The following FAM227B variants were observed in gnomAD, a reference collection of about 807,000 sequenced individuals.
FAM227B encodes protein FAM227B.
FAM227B carries 88 observed loss-of-function variants against 73.8 expected under a neutral mutation model. The observed-to-expected ratio is 1.19, with a 90% CI of 1.00 to 1.42. The LOEUF (loss-of-function observed/expected upper bound fraction) is 1.42. Ranked by LOEUF, FAM227B falls within the 40% of genes most tolerant of loss-of-function variation. The probability of loss-of-function intolerance (pLI) is 0.00; values close to 1 mark genes in which losing one functional copy is unlikely to be tolerated. For synonymous variants in FAM227B, 210 were observed against 190.5 expected, an observed-to-expected ratio of 1.10 and a Z score of -0.84; for missense variants, 632 against 590.9, an observed-to-expected ratio of 1.07 and a Z score of -0.72.
At chr15:49,587,231 C>G (rs1178588883) in intron 5 of FAM227B, among the ~76,000 whole-genome samples, 2 of 152,086 alleles carry the variant, frequency 1.3e-5, no homozygotes, top group African/African-American at 4.8e-5. Context: ...AATGCAGGAA[C>G]AGAAAAACAA....
rs183831832 is a variant in FAM227B at position 49,540,960 on chromosome 15, A to C, written c.874+720T>G. ...TCAAAGGCTCCCTCCATAAAGTATA[A>C]AACATTTTCTTATAAAAGTGATTTG... is the stretch of plus-strand genomic sequence containing the variant. On this transcript the variant is annotated intron_variant, in intron 10 of 15. Coordinates refer to ENST00000299338, the MANE Select transcript of FAM227B (RefSeq NM_152647.3). 1.3e-3 allele frequency among the ~76,000 whole-genome samples: 204 copies of C among 152,286 alleles called. 1 individual carries two copies. Among genetic ancestry groups the C allele is most frequent in the African/African-American group, 4.7e-3 (194 of 41,566 alleles).
intron 11 of FAM227B, among the ~76,000 whole-genome samples, chr15:49,462,330 A>G (rs932993376): frequency 6.6e-6 from 1 of 152,226 alleles, no homozygotes; most frequent in Non-Finnish European, 1.5e-5. Flanking sequence ...CAAGATAAAT[A>G]GTAAGCTCCT....
At chr15:49,439,010 T>C (rs918674751) in intron 11 of FAM227B, among the ~76,000 whole-genome samples, 12 of 151,746 alleles carry the variant, frequency 7.9e-5, no homozygotes, top group African/African-American at 1.7e-4. Context: ...GTCAGGAATT[T>C]GGGAGTAGCT....
At chr15:49,448,964 T>C (rs1163500360) in intron 11 of FAM227B, among the ~76,000 whole-genome samples, 1 of 151,958 alleles carries the variant, frequency 6.6e-6, no homozygotes, top group East Asian at 1.9e-4. Flanking sequence ...GCTCTTTTTT[T>C]TGCATATGAA....
At chr15:49,551,680 C>T (rs995174291) in intron 9 of FAM227B, among the ~76,000 whole-genome samples, 1 of 152,110 alleles carries the variant, frequency 6.6e-6, no homozygotes, top group Non-Finnish European at 1.5e-5. Flanking sequence ...TTTCTTTGCT[C>T]CTGTCTTACT....
intron 5 of FAM227B, among the ~76,000 whole-genome samples, chr15:49,587,666 C>T (rs59606072): frequency 0.015 from 2,200 of 151,660 alleles, 68 homozygotes; most frequent in African/African-American, 0.051. Context: ...TTAAAATTGG[C>T]AAAGTAAAGG....
At chr15:49,375,770 T>G (rs574683883) in intron 11 of FAM227B, among the ~76,000 whole-genome samples, 5 of 152,178 alleles carry the variant, frequency 3.3e-5, no homozygotes, top group African/African-American at 1.2e-4. Flanking sequence ...TCCCATGATA[T>G]GTAAATTTAT....
intron 10 of FAM227B, among the ~76,000 whole-genome samples, chr15:49,538,518 G>C (rs1040267447): frequency 1.3e-5 from 2 of 152,128 alleles, no homozygotes; most frequent in African/African-American, 2.4e-5. Context: ...TTGGGTACCA[G>C]GGGGTGCAAA....
In FAM227B at chr15:49,549,625, TC is replaced by T. The variant is rs1452076466; in HGVS notation, c.748-7820del. Among the ~76,000 whole-genome samples, 5 of 151,598 alleles carry T rather than the reference TC, an allele frequency of 3.3e-5. No individual in the cohort carries two copies. In the East Asian group the frequency reaches 9.8e-4, roughly 30 times the overall value. On this transcript the variant is annotated intron_variant, in intron 9 of 15. Coordinates refer to ENST00000299338, the MANE Select transcript of FAM227B (RefSeq NM_152647.3). ...ACCCTGAGTGGACACAGCACATGATTCCGAGAGCACAGGGTTGGGGGTAAGG... is the reference window on the plus strand; with the variant it reads ...ACCCTGAGTGGACACAGCACATGATTCGAGAGCACAGGGTTGGGGGTAAGG...
intron 10 of FAM227B, among the ~76,000 whole-genome samples, chr15:49,510,340 T>C (rs1026135334): frequency 6.6e-6 from 1 of 152,132 alleles, no homozygotes; most frequent in African/African-American, 2.4e-5. Context: ...ATGTGGACAA[T>C]TGAGACTTTA....
chr15:49,461,726 C>T (rs2053817304), intron 11 of FAM227B, among the ~76,000 whole-genome samples: 2 of 152,180 alleles, frequency 1.3e-5, no homozygotes, highest in South Asian at 2.1e-4. Flanking sequence ...AATTTTTATA[C>T]TCCATTAAAA....
intron 4 of FAM227B, 50 bp from the exon 5 acceptor site, chr15:49,588,133 C>A: frequency 8.9e-7 from 1 of 1,120,584 alleles, no homozygotes; most frequent in East Asian, 3.1e-5. Context: ...TATGAACCTC[C>A]TCTAAAAATA....
chr15:49,520,701 A>G (rs919429691), intron 10 of FAM227B, among the ~76,000 whole-genome samples: 2 of 152,108 alleles, frequency 1.3e-5, no homozygotes, highest in African/African-American at 2.4e-5. Flanking sequence ...ATTTACTATC[A>G]TGAGAACAGC....
chr15:49,591,797 GAAT>G (rs1229060214), intron 3 of FAM227B, among the ~76,000 whole-genome samples: 2 of 152,026 alleles, frequency 1.3e-5, no homozygotes, highest in Non-Finnish European at 2.9e-5. Flanking sequence ...TCTTAAGGCT[GAAT>G]AATATTCTAT....
intron 10 of FAM227B, among the ~76,000 whole-genome samples, chr15:49,520,192 T>C (rs2059682173): frequency 6.6e-6 from 1 of 152,202 alleles, no homozygotes; most frequent in Non-Finnish European, 1.5e-5. Context: ...TGACACCACT[T>C]CATCCTGGAC....
In FAM227B at chr15:49,589,912, A is replaced by G. The variant is rs768287550; in HGVS notation, c.201T>C (p.Tyr67=). Residue 67 remains tyrosine (Y), a synonymous_variant, in exon 4 of 16, where the codon TAT becomes TAC. Coordinates refer to ENST00000299338, the MANE Select transcript of FAM227B (RefSeq NM_152647.3). ...GAGGAACATTTTCCCATAGGTGTGT[A>G]TAAATTGAAACAAATGAACTATCTT... ...IKEDSSFVSI[Y]THLWENVPRI... is the part of the protein sequence containing the mutation. 2 of 1,593,498 alleles carry G rather than the reference A, an allele frequency of 1.3e-6. No homozygotes were observed. Among genetic ancestry groups the G allele is most frequent in the Non-Finnish European group, 1.7e-6 (2 of 1,161,254 alleles).
intron 3 of FAM227B, among the ~76,000 whole-genome samples, chr15:49,593,919 G>A (rs1429541060): frequency 6.6e-6 from 1 of 152,134 alleles, no homozygotes; most frequent in Non-Finnish European, 1.5e-5. Context: ...TTTATATAAT[G>A]ACTTCTTTTC....
chr15:49,392,482 T>C (rs1430590237), intron 11 of FAM227B, among the ~76,000 whole-genome samples: 1 of 152,072 alleles, frequency 6.6e-6, no homozygotes, highest in Non-Finnish European at 1.5e-5. Context: ...TTTGCATGGG[T>C]TCAAACATGG....
At chr15:49,591,020 CTTTT>C (rs913958003) in intron 3 of FAM227B, among the ~76,000 whole-genome samples, 9 of 106,900 alleles carry the variant, frequency 8.4e-5, no homozygotes, top group Admixed American at 6.4e-4. Flanking sequence ...TTCTCTTTCT[CTTTT>C]TTTTGTTTTT....
Sources: allele counts gnomAD v4.1 joint callset (sites outside exome capture counted in the v4.1 genomes callset), GRCh38; gene constraint gnomAD v4.1.1; transcripts MANE v1.5; gene names NCBI Gene and HGNC (gene_info 2026-07-23, HGNC 2026-07-21).